The following ZMAT4 variants were observed in gnomAD, a reference collection of about 807,000 sequenced individuals.
ZMAT4 encodes the protein zinc finger matrin-type protein 4.
In ZMAT4, 17 loss-of-function variants were observed where a neutral mutation model predicts 28.7. The observed-to-expected ratio is 0.59, with a 90% CI of 0.41 to 0.89. The LOEUF (loss-of-function observed/expected upper bound fraction) is 0.89, where lower values mean the gene tolerates loss of function less well. Ranked by LOEUF, ZMAT4 falls within the 40% of genes least tolerant of loss-of-function variation. The probability of loss-of-function intolerance (pLI) is 0.00; values close to 1 mark genes in which losing one functional copy is unlikely to be tolerated. For synonymous variants in ZMAT4, 117 were observed against 109.2 expected, an observed-to-expected ratio of 1.07 and a Z score of -0.44; for missense variants, 240 against 283.8, an observed-to-expected ratio of 0.85 and a Z score of 1.11.
At chr8:40,600,386 A>G (rs1430762243) in intron 5 of ZMAT4, among the ~76,000 whole-genome samples, 1 of 152,172 alleles carries the variant, frequency 6.6e-6, no homozygotes, top group African/African-American at 2.4e-5. Context: ...TGACTCTACC[A>G]AGATAAAAAT....
intron 1 of ZMAT4, among the ~76,000 whole-genome samples, chr8:40,847,202 T>TAAA (rs199603252): frequency 1.2e-5 from 1 of 86,404 alleles, no homozygotes; most frequent in Non-Finnish European, 2.5e-5. Flanking sequence ...AGATTCCATC[T>TAAA]AAAAAAACAA....
chr8:40,744,167 A>G (rs926114467), intron 3 of ZMAT4, among the ~76,000 whole-genome samples: 1 of 152,054 alleles, frequency 6.6e-6, no homozygotes, highest in African/African-American at 2.4e-5. Flanking sequence ...GGATTCTCCA[A>G]CCCTACCTGT....
At chr8:40,732,834 CTTTTTTTTTTTTTTTTTTT>C (rs11461186) in intron 3 of ZMAT4, among the ~76,000 whole-genome samples, 43 of 67,022 alleles carry the variant, frequency 6.4e-4, no homozygotes, top group African/African-American at 2.3e-3. Context: ...GCAAGACCTC[CTTTTTTTTTTTTTTTTTTT>C]TTTTTTTTTG....
chr8:40,561,803 A>G (rs1049383038), intron 6 of ZMAT4, among the ~76,000 whole-genome samples: 9 of 152,148 alleles, frequency 5.9e-5, no homozygotes, highest in Non-Finnish European at 1.0e-4. Context: ...ATCAGCTATC[A>G]TTAGTGTTCG....
chr8:40,615,828 C>T (rs1321347258), intron 5 of ZMAT4, among the ~76,000 whole-genome samples: 1 of 152,132 alleles, frequency 6.6e-6, no homozygotes, highest in Non-Finnish European at 1.5e-5. Context: ...AGCTATTCGT[C>T]TAATCTTTTT....
chr8:40,606,685 C>A (rs1805591237), intron 5 of ZMAT4, among the ~76,000 whole-genome samples: 1 of 152,178 alleles, frequency 6.6e-6, no homozygotes, highest in Admixed American at 6.5e-5. Flanking sequence ...AGTGAATTTC[C>A]CGGGTGTTGT....
chr8:40,877,816 T>C (rs1028301159), intron 1 of ZMAT4, among the ~76,000 whole-genome samples: 1 of 152,144 alleles, frequency 6.6e-6, no homozygotes, highest in African/African-American at 2.4e-5. Flanking sequence ...ACCAGCATTA[T>C]AGCTGCTGTT....
intron 6 of ZMAT4, among the ~76,000 whole-genome samples, chr8:40,570,552 T>A (rs556149951): frequency 6.3e-4 from 96 of 152,042 alleles, no homozygotes; most frequent in African/African-American, 2.2e-3. Context: ...TACAAAAAGT[T>A]AGCCAGGTGT....
At chr8:40,729,876 C>G (rs1294415081) in intron 3 of ZMAT4, among the ~76,000 whole-genome samples, 2 of 152,068 alleles carry the variant, frequency 1.3e-5, no homozygotes, top group Non-Finnish European at 2.9e-5. Context: ...GGATTACAGG[C>G]CCGCTTGAGC....
chr8:40,581,579 A>C (rs1221006973), intron 5 of ZMAT4, among the ~76,000 whole-genome samples: 1 of 152,202 alleles, frequency 6.6e-6, no homozygotes, highest in Non-Finnish European at 1.5e-5. Context: ...GATCATATAG[A>C]CATAATACAC....
At chr8:40,558,282 G>C (rs141907093) in intron 6 of ZMAT4, among the ~76,000 whole-genome samples, 3 of 152,234 alleles carry the variant, frequency 2.0e-5, no homozygotes, top group Non-Finnish European at 2.9e-5. Flanking sequence ...CAGCGGAGGG[G>C]ACTATGATCT....
chr8:40,825,884 G>T (rs1293696279), intron 1 of ZMAT4, among the ~76,000 whole-genome samples: 2 of 152,176 alleles, frequency 1.3e-5, no homozygotes, highest in South Asian at 2.1e-4. Flanking sequence ...GCCCAACAGA[G>T]TTGCTTTACC....
intron 1 of ZMAT4, among the ~76,000 whole-genome samples, chr8:40,842,465 A>G (rs1426313371): frequency 6.6e-6 from 1 of 152,226 alleles, no homozygotes; most frequent in South Asian, 2.1e-4. Flanking sequence ...GAAAGGAGAA[A>G]TAATTTGTGG....
intron 1 of ZMAT4, among the ~76,000 whole-genome samples, chr8:40,894,242 T>G (rs1039413928): frequency 6.6e-6 from 1 of 152,218 alleles, no homozygotes; most frequent in Non-Finnish European, 1.5e-5. Flanking sequence ...GCAGGTCAGC[T>G]GCACCACTCC....
In ZMAT4 at chr8:40,697,393, A is replaced by C. The variant is rs1185867800; in HGVS notation, c.201T>G (p.Asp67Glu). Residue 67 changes from aspartate to glutamate, a missense_variant, in exon 4 of 7, where the codon GAT becomes GAG. Physicochemically the swap from Asp to Glu is conservative, Grantham distance 45 (BLOSUM62 2). Transcript: ENST00000297737. ...ACTTGTTCTTATCCACCATGTCGGC[A>C]TCACTTCCCTGCGCAGGGAGAAAGA... is the stretch of plus-strand genomic sequence containing the variant. Reference protein sequence around the residue: ...AKRLRSENGSDADMVDKNKCC... With the variant: ...AKRLRSENGSEADMVDKNKCC... 1 of 1,590,306 alleles carries C rather than the reference A, an allele frequency of 6.3e-7. No homozygotes were observed. Among genetic ancestry groups the C allele is most frequent in the South Asian group, 1.1e-5 (1 of 87,878 alleles).
intron 6 of ZMAT4, among the ~76,000 whole-genome samples, chr8:40,544,658 A>G (rs1803143301): frequency 6.6e-6 from 1 of 152,202 alleles, no homozygotes; most frequent in Admixed American, 6.5e-5. Context: ...TTTTTAGTTA[A>G]TGTCACCAGC....
chr8:40,718,102 TTC>T (rs1201976905), intron 3 of ZMAT4, among the ~76,000 whole-genome samples: 4 of 152,256 alleles, frequency 2.6e-5, no homozygotes, highest in Non-Finnish European at 5.9e-5. Context: ...TGTTTTTCAG[TTC>T]TCTTTTACTT....
At chr8:40,889,996 T>G (rs142178902) in intron 1 of ZMAT4, among the ~76,000 whole-genome samples, 2 of 152,244 alleles carry the variant, frequency 1.3e-5, no homozygotes, top group Non-Finnish European at 2.9e-5. Context: ...ACACTGGATA[T>G]TACATTATCA....
intron 6 of ZMAT4, among the ~76,000 whole-genome samples, chr8:40,546,833 C>T (rs547164250): frequency 2.6e-5 from 4 of 152,224 alleles, no homozygotes; most frequent in Admixed American, 6.5e-5. Flanking sequence ...CATAAAGCTG[C>T]GATGGATTGT....
Sources: gnomAD v4.1 joint callset for allele counts (sites outside exome capture counted in the v4.1 genomes callset) on GRCh38, gnomAD v4.1.1 for gene constraint, MANE v1.5 for transcripts, NCBI Gene and HGNC (gene_info 2026-07-23, HGNC 2026-07-21) for gene names.